The following PGS1 variants were observed in gnomAD, a reference collection of about 807,000 sequenced individuals.
PGS1 encodes the protein phosphatidylglycerophosphate synthase 1, also known as CDP-diacylglycerol--glycerol-3-phosphate 3-phosphatidyltransferase, mitochondrial.
In PGS1, 44 loss-of-function variants were observed where a neutral mutation model predicts 58.3. That is an observed-to-expected ratio of 0.75 (90% CI 0.59 to 0.97). PGS1 has a LOEUF of 0.97. Among genes scored for constraint, PGS1 ranks in the 50% least tolerant of loss-of-function variants. PGS1 has a pLI of 0.00. For synonymous variants in PGS1, 330 were observed against 311.0 expected, an observed-to-expected ratio of 1.06 and a Z score of -0.64; for missense variants, 684 against 731.1, an observed-to-expected ratio of 0.94 and a Z score of 0.74.
chr17:78,408,874 T>C, intron 7 of PGS1, among the ~76,000 whole-genome samples: 1 of 152,182 alleles, frequency 6.6e-6, no homozygotes, highest in East Asian at 1.9e-4. Context: ...ATTTGGACTC[T>C]TAACGGGAAG....
chr17:78,399,620 T>C (rs2083498877), intron 5 of PGS1, 83 bp downstream of exon 5: 4 of 1,398,194 alleles, frequency 2.9e-6, no homozygotes, highest in Non-Finnish European at 4.0e-6. Context: ...GGGAAACCCG[T>C]TCCCCTCAGT....
At chr17:78,396,966 A>G (rs1369908272) in intron 3 of PGS1, among the ~76,000 whole-genome samples, 2 of 152,164 alleles carry the variant, frequency 1.3e-5, no homozygotes, top group Admixed American at 6.5e-5. Context: ...CCGTTTACAC[A>G]AAAGGCTTTC....
At chr17:78,390,783 G>A (rs762198874) in intron 1 of PGS1, among the ~76,000 whole-genome samples, 1 of 152,140 alleles carries the variant, frequency 6.6e-6, no homozygotes, top group African/African-American at 2.4e-5. Context: ...ATGAAGTTCT[G>A]TGGGCAGAAA....
intron 3 of PGS1, among the ~76,000 whole-genome samples, chr17:78,397,624 G>A (rs1171094487): frequency 2.6e-5 from 4 of 151,818 alleles, no homozygotes; most frequent in Non-Finnish European, 4.4e-5. Context: ...TAGTAGAGAC[G>A]GGGTTTCTCC....
intron 7 of PGS1, among the ~76,000 whole-genome samples, chr17:78,413,441 C>T (rs2084898797): frequency 6.6e-6 from 1 of 152,132 alleles, no homozygotes; most frequent in African/African-American, 2.4e-5. Flanking sequence ...CAGAGGAGCC[C>T]GTGGCCACCT....
At chr17:78,387,787 G>A (rs2082521391) in intron 1 of PGS1, among the ~76,000 whole-genome samples, 1 of 151,668 alleles carries the variant, frequency 6.6e-6, no homozygotes, top group Non-Finnish European at 1.5e-5. Flanking sequence ...TTCTAGAGAG[G>A]GGGTTTCTCT....
intron 1 of PGS1, among the ~76,000 whole-genome samples, chr17:78,390,087 T>A (rs1216571382): frequency 3.4e-5 from 1 of 29,356 alleles, no homozygotes; most frequent in Non-Finnish European, 7.7e-5. Flanking sequence ...CATGTTTCAT[T>A]AGTGAATATG....
chr17:78,415,587 G>A (rs1056512547), intron 8 of PGS1, among the ~76,000 whole-genome samples: 2 of 152,218 alleles, frequency 1.3e-5, no homozygotes, highest in Admixed American at 6.5e-5. Context: ...AGCCAAGATC[G>A]TGCCATTGCA....
intron 3 of PGS1, among the ~76,000 whole-genome samples, chr17:78,397,178 C>T (rs1160251287): frequency 2.7e-5 from 4 of 149,588 alleles, no homozygotes; most frequent in Non-Finnish European, 1.5e-5. Flanking sequence ...TTGGGGCCAG[C>T]GCAGGTTCTG....
chr17:78,416,165 G>A (rs544960900), intron 8 of PGS1, among the ~76,000 whole-genome samples: 149 of 152,308 alleles, frequency 9.8e-4, no homozygotes, highest in Admixed American at 5.0e-3. Flanking sequence ...AAGTGAAGCG[G>A]TCATCCTCTG....
chr17:78,402,968 CCCGTTCTT>C (rs2083810801), intron 6 of PGS1, among the ~76,000 whole-genome samples: 1 of 152,168 alleles, frequency 6.6e-6, no homozygotes, highest in Non-Finnish European at 1.5e-5. Flanking sequence ...CCTGAGCCTG[CCCGTTCTT>C]CCTCTCTCTC....
intron 9 of PGS1, among the ~76,000 whole-genome samples, chr17:78,423,410 C>G (rs544096009): frequency 1.3e-3 from 201 of 152,224 alleles, no homozygotes; most frequent in African/African-American, 4.7e-3. Context: ...GGAGTAATGG[C>G]GGATGAGACG....
At chr17:78,384,838 A>G (rs765087720) in intron 1 of PGS1, among the ~76,000 whole-genome samples, 4 of 152,196 alleles carry the variant, frequency 2.6e-5, no homozygotes, top group Non-Finnish European at 5.9e-5. Flanking sequence ...CTAGGGGGAA[A>G]CACGTGTTCT....
At chr17:78,421,277 A>C (rs999514959) in intron 9 of PGS1, 1 of 151,204 alleles carries the variant, frequency 6.6e-6, no homozygotes, top group Non-Finnish European at 1.5e-5. Flanking sequence ...GCACAGAGAG[A>C]AGCTTCCTGG....
chr17:78,393,838 A>G (rs2083011001), intron 2 of PGS1, among the ~76,000 whole-genome samples: 1 of 152,124 alleles, frequency 6.6e-6, no homozygotes, highest in Non-Finnish European at 1.5e-5. Context: ...ACTAATCAAC[A>G]CTGATTTTTA....
At chr17:78,414,708 G>C (rs1384073107) in intron 7 of PGS1, among the ~76,000 whole-genome samples, 171 bp from the exon 8 acceptor site, 1 of 152,170 alleles carries the variant, frequency 6.6e-6, no homozygotes, top group Non-Finnish European at 1.5e-5. Context: ...CCGCGCCGGG[G>C]TGGGGGTGGA....
intron 7 of PGS1, among the ~76,000 whole-genome samples, chr17:78,404,595 A>G (rs1346075236): frequency 6.6e-6 from 1 of 152,108 alleles, no homozygotes; most frequent in Non-Finnish European, 1.5e-5. Context: ...AAGACTGTAT[A>G]TGGTCACATT....
intron 1 of PGS1, among the ~76,000 whole-genome samples, chr17:78,385,349 C>T (rs991618892): frequency 1.3e-5 from 2 of 150,914 alleles, no homozygotes; most frequent in Non-Finnish European, 2.9e-5. Flanking sequence ...AGTGCAGTGG[C>T]ATGATCTTGC....
At chr17:78,412,980 C>A (rs1567995341) in intron 7 of PGS1, among the ~76,000 whole-genome samples, 1 of 152,218 alleles carries the variant, frequency 6.6e-6, no homozygotes. Context: ...GTACGAGGGG[C>A]CATGAGTGCT....
Sources: gnomAD v4.1 joint callset for allele counts (sites outside exome capture counted in the v4.1 genomes callset) on GRCh38, gnomAD v4.1.1 for gene constraint, MANE v1.5 for transcripts, NCBI Gene and HGNC (gene_info 2026-07-23, HGNC 2026-07-21) for gene names.